The following GLIS3 variants were observed in gnomAD, a reference collection of about 807,000 sequenced individuals.
GLIS3 encodes the protein GLIS family zinc finger 3.
In GLIS3, 53 loss-of-function variants were observed where a neutral mutation model predicts 78.6. The ratio of observed to expected loss-of-function variants is 0.67; its 90% CI spans 0.54 to 0.85. GLIS3 has a LOEUF of 0.85. GLIS3 is among the 40% of genes least tolerant of loss of function. The probability of loss-of-function intolerance (pLI) is 0.00; values close to 1 mark genes in which losing one functional copy is unlikely to be tolerated. For missense variants in GLIS3, 1,703 were observed against 1,231.1 expected (o/e 1.38, Z -5.74); for synonymous variants, 684 against 509.9 (o/e 1.34, Z -4.60).
intron 4 of GLIS3, among the ~76,000 whole-genome samples, chr9:3,966,041 A>G (rs7032053): frequency 0.013 from 2,037 of 152,344 alleles, 52 homozygotes; most frequent in African/African-American, 0.047. Flanking sequence ...TTTTCATTTC[A>G]ACAGAAAACT....
intron 4 of GLIS3, among the ~76,000 whole-genome samples, chr9:4,096,547 G>T (rs771488335): frequency 5.5e-4 from 83 of 152,192 alleles, no homozygotes; most frequent in Admixed American, 1.8e-3. Context: ...AAAGTTAGTG[G>T]CTGAAGGACT....
intron 2 of GLIS3, among the ~76,000 whole-genome samples, chr9:4,197,936 G>A (rs984382232): frequency 2.9e-5 from 4 of 138,870 alleles, no homozygotes; most frequent in Non-Finnish European, 6.5e-5. Context: ...AAGGGAAAGG[G>A]AGAGGGAAAG....
intron 6 of GLIS3, among the ~76,000 whole-genome samples, chr9:3,905,164 C>CTTTTTTTTTT (rs1563834122): frequency 1.5e-5 from 2 of 133,352 alleles, no homozygotes; most frequent in Non-Finnish European, 3.1e-5. Flanking sequence ...TTTTTTTTTG[C>CTTTTTTTTTT]TATTTTTAGT....
At chr9:4,018,580 G>A in intron 4 of GLIS3, among the ~76,000 whole-genome samples, 1 of 152,126 alleles carries the variant, frequency 6.6e-6, no homozygotes, top group South Asian at 2.1e-4. Context: ...GGGTTAGTGG[G>A]TTTCAAGAAG....
At chr9:4,434,551 G>C in the GLIS3 span, among the ~76,000 whole-genome samples, 1 of 152,186 alleles carries the variant, frequency 6.6e-6, no homozygotes, top group Non-Finnish European at 1.5e-5. Context: ...ATGGAGTGTT[G>C]TGTATATTCA....
chr9:3,842,693 C>T (rs1025855591), intron 9 of GLIS3, among the ~76,000 whole-genome samples: 2 of 152,172 alleles, frequency 1.3e-5, no homozygotes, highest in Non-Finnish European at 2.9e-5. Context: ...CTGAGCTCTA[C>T]GGCCGACTCT....
At chr9:4,042,720 C>T (rs1382366705) in intron 4 of GLIS3, among the ~76,000 whole-genome samples, 1 of 152,036 alleles carries the variant, frequency 6.6e-6, no homozygotes, top group Non-Finnish European at 1.5e-5. Context: ...CTCCCAAAAA[C>T]AAAAACTGTA....
chr9:4,170,806 C>T (rs1031588426), intron 2 of GLIS3, among the ~76,000 whole-genome samples: 7 of 152,074 alleles, frequency 4.6e-5, no homozygotes, highest in Non-Finnish European at 1.0e-4. Flanking sequence ...GAGGAATATT[C>T]AAAACACTTC....
At chr9:4,262,709 T>A (rs1386962810) in intron 2 of GLIS3, among the ~76,000 whole-genome samples, 1 of 152,168 alleles carries the variant, frequency 6.6e-6, no homozygotes, top group Non-Finnish European at 1.5e-5. Context: ...CTATGCAGCT[T>A]TTCTAACTTT....
chr9:4,057,173 G>C (rs1826221344), intron 4 of GLIS3, among the ~76,000 whole-genome samples: 1 of 151,960 alleles, frequency 6.6e-6, no homozygotes, highest in Non-Finnish European at 1.5e-5. Context: ...CTAATTCCAG[G>C]GCTGGCTTCA....
At chr9:4,079,347 A>C (rs1237369204) in intron 4 of GLIS3, among the ~76,000 whole-genome samples, 1 of 152,238 alleles carries the variant, frequency 6.6e-6, no homozygotes, top group Admixed American at 6.5e-5. Flanking sequence ...AAGGCAAACT[A>C]GGAAAAAGAC....
chr9:4,405,690 A>C, the GLIS3 span, among the ~76,000 whole-genome samples: 1 of 152,158 alleles, frequency 6.6e-6, no homozygotes, highest in African/African-American at 2.4e-5. Flanking sequence ...TCTGAAAAAT[A>C]GAGGAGAAAA....
chr9:3,862,319 G>A (rs542927196), intron 8 of GLIS3, among the ~76,000 whole-genome samples: 35 of 152,308 alleles, frequency 2.3e-4, no homozygotes, highest in African/African-American at 7.5e-4. Context: ...GTGGGAGAGC[G>A]TGTCAGCAAC....
At chr9:4,243,770 T>C (rs1169463027) in intron 2 of GLIS3, among the ~76,000 whole-genome samples, 1 of 152,198 alleles carries the variant, frequency 6.6e-6, no homozygotes. Context: ...GTAATCCACG[T>C]TGAAGGTGGG....
chr9:4,467,276 G>A, the GLIS3 span, among the ~76,000 whole-genome samples: 7 of 152,324 alleles, frequency 4.6e-5, no homozygotes, highest in East Asian at 1.3e-3. Flanking sequence ...CAGCTTTGAA[G>A]AGAGTGGTGG....
chr9:4,144,646 G>GTCTC lies in GLIS3; in HGVS notation c.389-18709_389-18706dup, dbSNP rs1378179242. Among the ~76,000 whole-genome samples the GTCTC allele has an allele frequency of 7.9e-5, 12 of 152,210 alleles. No individual in the cohort carries two copies. In the East Asian group the frequency reaches 1.9e-3, roughly 24 times the overall value. ...ACTTATGAATAAAAATAACTCAAAG[G>GTCTC]TCTCTAGATGGAAAAAGAGAAACAA... On this transcript the variant is annotated intron_variant, in intron 2 of 10. Transcript: ENST00000381971.
At chr9:4,329,399 T>A (rs919367208) in intron 2 of GLIS3, among the ~76,000 whole-genome samples, 1 of 152,098 alleles carries the variant, frequency 6.6e-6, no homozygotes, top group East Asian at 1.9e-4. Flanking sequence ...TATTGACAAC[T>A]GAAAAAAAAG....
At chr9:3,876,580 C>T (rs1009882020) in intron 8 of GLIS3, among the ~76,000 whole-genome samples, 1 of 138,602 alleles carries the variant, frequency 7.2e-6, no homozygotes, top group African/African-American at 2.8e-5. Context: ...TATCTGCAAC[C>T]ATCTGTCAAA....
chr9:4,095,427 T>C (rs1436658780), intron 4 of GLIS3, among the ~76,000 whole-genome samples: 3 of 152,198 alleles, frequency 2.0e-5, no homozygotes, highest in Admixed American at 6.5e-5. Flanking sequence ...TAGATAGAGA[T>C]TGAGATTGTA....
Sources: gnomAD v4.1 joint callset for allele counts (sites outside exome capture counted in the v4.1 genomes callset) on GRCh38, gnomAD v4.1.1 for gene constraint, MANE v1.5 for transcripts, NCBI Gene and HGNC (gene_info 2026-07-23, HGNC 2026-07-21) for gene names.